Variants in MS4A4E observed in about 807,000 individuals in gnomAD.
MS4A4E encodes putative membrane-spanning 4-domains subfamily A member 4E.
A neutral mutation model predicts 13.3 loss-of-function variants in MS4A4E; 23 were observed. The ratio of observed to expected loss-of-function variants is 1.73; its 90% CI spans 1.25 to 2.45. The LOEUF (loss-of-function observed/expected upper bound fraction) is 2.45. MS4A4E is among the 30% of genes most tolerant of loss of function. The probability of loss-of-function intolerance (pLI) is 0.00; values close to 1 mark genes in which losing one functional copy is unlikely to be tolerated. For synonymous variants in MS4A4E, 36 were observed against 45.6 expected, an observed-to-expected ratio of 0.79 and a Z score of 0.85; for missense variants, 144 against 131.2, an observed-to-expected ratio of 1.10 and a Z score of -0.48.
intron 5 of MS4A4E, among the ~76,000 whole-genome samples, chr11:60,209,690 A>G (rs2084094973): frequency 6.6e-6 from 1 of 152,242 alleles, no homozygotes; most frequent in African/African-American, 2.4e-5. Flanking sequence ...CAAGAAACAT[A>G]GTCAAAATTT....
chr11:60,214,493 A>G, intron 4 of MS4A4E, 78 bp downstream of exon 4: 1 of 1,057,042 alleles, frequency 9.5e-7, no homozygotes, highest in Non-Finnish European at 1.3e-6. Flanking sequence ...CAAACAAACA[A>G]AACCTGTTTT....
At chr11:60,233,447 G>A (rs2084438724) in intron 1 of MS4A4E, among the ~76,000 whole-genome samples, 1 of 152,214 alleles carries the variant, frequency 6.6e-6, no homozygotes, top group South Asian at 2.1e-4. Context: ...ACTGAGGTGT[G>A]CTTTAGAGTT....
intron 6 of MS4A4E, among the ~76,000 whole-genome samples, chr11:60,208,158 T>C (rs2084071502): frequency 6.6e-6 from 1 of 152,198 alleles, no homozygotes; most frequent in Non-Finnish European, 1.5e-5. Context: ...GTGTATAAGA[T>C]GGGATACAAG....
At chr11:60,240,997 TTTTATTTATTTA>T (rs71036563) in intron 1 of MS4A4E, among the ~76,000 whole-genome samples, 18,662 of 151,224 alleles carry the variant, frequency 0.12, 1,229 homozygotes, top group South Asian at 0.16. Context: ...AATGTGTACT[TTTTATTTATTTA>T]TTTATTTATT....
intron 3 of MS4A4E, among the ~76,000 whole-genome samples, chr11:60,224,114 T>C (rs868795143): frequency 6.6e-6 from 1 of 152,218 alleles, no homozygotes; most frequent in Non-Finnish European, 1.5e-5. Context: ...ACCCGCCTCA[T>C]AAATTTTATT....
At chr11:60,241,468 T>G (rs2084550591) in intron 1 of MS4A4E, among the ~76,000 whole-genome samples, 1 of 152,180 alleles carries the variant, frequency 6.6e-6, no homozygotes, top group East Asian at 1.9e-4. Context: ...GGCTGTAAGC[T>G]TCCTGAGGGC....
chr11:60,233,061 T>A (rs1345379584), intron 1 of MS4A4E, among the ~76,000 whole-genome samples: 1 of 152,096 alleles, frequency 6.6e-6, no homozygotes, highest in Non-Finnish European at 1.5e-5. Context: ...ACCTGTCCCC[T>A]GGAGTCCAAG....
intron 1 of MS4A4E, among the ~76,000 whole-genome samples, chr11:60,239,426 C>T (rs1174121276): frequency 6.6e-6 from 1 of 152,176 alleles, no homozygotes. Context: ...CACTCAAGGA[C>T]ATGCTAAAGA....
At chr11:60,233,542 C>T (rs1172064055) in intron 1 of MS4A4E, among the ~76,000 whole-genome samples, 1 of 152,226 alleles carries the variant, frequency 6.6e-6, no homozygotes, top group Non-Finnish European at 1.5e-5. Context: ...TTTTGCAAAA[C>T]CCTGAGCCTA....
intron 6 of MS4A4E, among the ~76,000 whole-genome samples, chr11:60,206,489 G>GTATATATATATATGTATA (rs373196401): frequency 1.0e-5 from 1 of 97,570 alleles, no homozygotes; most frequent in African/African-American, 4.5e-5. Flanking sequence ...ATATATATAT[G>GTATATATATATATGTATA]TATATATATA....
intron 4 of MS4A4E, chr11:60,213,408 A>G (rs545544699): frequency 9.5e-7 from 1 of 1,051,512 alleles, no homozygotes; most frequent in Non-Finnish European, 1.4e-6. Flanking sequence ...CTGGACAGTC[A>G]TGTCTGTGTC....
In MS4A4E at chr11:60,204,921, C is replaced by A. The variant is rs925237768; in HGVS notation, c.628G>T (p.Asp210Tyr). The change falls in exon 8 of 9, where the codon GAC becomes TAC. Residue 210 changes from aspartate to tyrosine, a missense_variant. Physicochemically the swap from Asp to Tyr is radical, Grantham distance 160. Around this residue, in one of 3 missense-constraint regions of MS4A4E, gnomAD observed 21 missense variants for 25.1 expected, o/e 0.84. Coordinates refer to ENST00000651255, the MANE Select transcript of MS4A4E (RefSeq NM_001393391.1). ...DGQYLEKVYY[D>Y]ILSSWLRIES... ...ATCCTCAACCAAGAAGATAGAATGT[C>A]ATAATAGACTTTTTCCAGATACTGT... is the stretch of plus-strand genomic sequence containing the variant. Among the ~76,000 whole-genome samples, 5 of 152,062 alleles carry A rather than the reference C, an allele frequency of 3.3e-5. 1 individual carries two copies. Among genetic ancestry groups the A allele is most frequent in the Non-Finnish European group, 5.9e-5 (4 of 68,002 alleles).
chr11:60,213,234 T>A (rs1453399010), intron 4 of MS4A4E, 102 bp from the exon 5 acceptor site: 1 of 1,482,174 alleles, frequency 6.7e-7, no homozygotes, highest in Non-Finnish European at 9.1e-7. Context: ...ATTTCAATAG[T>A]CTTCTAACTT....
chr11:60,217,473 C>T (rs1402428455), intron 3 of MS4A4E, among the ~76,000 whole-genome samples: 1 of 152,096 alleles, frequency 6.6e-6, no homozygotes, highest in Admixed American at 6.6e-5. Context: ...CCCTCCCTAA[C>T]CCACACTGCC....
intron 1 of MS4A4E, 87 bp from the exon 2 acceptor site, chr11:60,230,158 C>CA (rs1565127308): frequency 7.1e-7 from 1 of 1,401,182 alleles, no homozygotes; most frequent in East Asian, 2.4e-5. Flanking sequence ...TCCCTAAGGA[C>CA]AAAACCTGGT....
At chr11:60,226,903 A>T (rs2084351119) in intron 3 of MS4A4E, among the ~76,000 whole-genome samples, 1 of 152,096 alleles carries the variant, frequency 6.6e-6, no homozygotes, top group Non-Finnish European at 1.5e-5. Flanking sequence ...TCAACCAAAA[A>T]CTCCTGGAAT....
At chr11:60,229,635 C>T (rs552202163) in intron 2 of MS4A4E, among the ~76,000 whole-genome samples, 2 of 152,182 alleles carry the variant, frequency 1.3e-5, no homozygotes, top group East Asian at 3.9e-4. Flanking sequence ...TTTCTTTTGC[C>T]GTTCTTCTAT....
rs577922014 is a variant in MS4A4E at position 60,238,941 on chromosome 11, A to G, written c.-17+4017T>C. 2.0e-5 allele frequency among the ~76,000 whole-genome samples: 3 copies of G among 152,356 alleles called. No homozygotes were observed. In the East Asian group the frequency reaches 5.8e-4, roughly 29 times the overall value. ...ACCAGCCTTACGACCTATCCCTTCC[A>G]TTCCCAGATACATACAAAGAGAAAT... is the stretch of plus-strand genomic sequence containing the variant. On this transcript the variant is annotated intron_variant, in intron 1 of 8. Coordinates refer to ENST00000651255, the MANE Select transcript of MS4A4E (RefSeq NM_001393391.1).
intron 8 of MS4A4E, among the ~76,000 whole-genome samples, chr11:60,202,495 G>A (rs1056763329): frequency 6.6e-6 from 1 of 152,170 alleles, no homozygotes; most frequent in African/African-American, 2.4e-5. Context: ...TTAGATTATA[G>A]TCTTTTTCTT....
Sources: gnomAD v4.1 joint callset for allele counts (sites outside exome capture counted in the v4.1 genomes callset) on GRCh38, gnomAD v4.1.1 for gene constraint, gnomAD v4.1.1 regional missense constraint, MANE v1.5 for transcripts, NCBI Gene and HGNC (gene_info 2026-07-23, HGNC 2026-07-21) for gene names.